The following ARB2A variants were observed in gnomAD, a reference collection of about 807,000 sequenced individuals.
ARB2A encodes cotranscriptional regulator ARB2A.
the ARB2A span, among the ~76,000 whole-genome samples, chr5:93,641,652 A>G: frequency 2.0e-5 from 3 of 152,242 alleles, no homozygotes; most frequent in Admixed American, 1.3e-4. Context: ...AAACCACAAT[A>G]ATAAAGAATG....
chr5:93,661,469 T>C, the ARB2A span, among the ~76,000 whole-genome samples: 1 of 152,162 alleles, frequency 6.6e-6, no homozygotes, highest in Non-Finnish European at 1.5e-5. Context: ...TTGTTTCACA[T>C]TACCCTACAC....
At chr5:94,007,306 G>A in the ARB2A span, among the ~76,000 whole-genome samples, 1 of 152,084 alleles carries the variant, frequency 6.6e-6, no homozygotes, top group Non-Finnish European at 1.5e-5. Context: ...AAGAGGGAAA[G>A]AAAAGCAATA....
At chr5:93,667,299 T>C in the ARB2A span, among the ~76,000 whole-genome samples, 1 of 152,144 alleles carries the variant, frequency 6.6e-6, no homozygotes, top group Non-Finnish European at 1.5e-5. Flanking sequence ...GTTTAGTAGT[T>C]GTAGAAGTCA....
chr5:93,744,526 T>C, the ARB2A span, among the ~76,000 whole-genome samples: 26 of 151,592 alleles, frequency 1.7e-4, no homozygotes, highest in South Asian at 5.2e-3. Context: ...CACTTAAGGC[T>C]TTCTTTGTAC....
At chr5:93,842,571 GACA>G in the ARB2A span, among the ~76,000 whole-genome samples, 19 of 152,178 alleles carry the variant, frequency 1.2e-4, no homozygotes, top group South Asian at 2.1e-3. Context: ...GGAAAAAAAT[GACA>G]ACATTTTGGA....
chr5:93,678,222 C>T, the ARB2A span, among the ~76,000 whole-genome samples: 2 of 152,128 alleles, frequency 1.3e-5, no homozygotes, highest in African/African-American at 4.8e-5. Context: ...CTATAGAAAT[C>T]GCATTTTAGT....
the ARB2A span, among the ~76,000 whole-genome samples, chr5:94,104,486 T>C: frequency 6.6e-6 from 1 of 151,792 alleles, no homozygotes. Flanking sequence ...AACAGACCAA[T>C]AGTGAATTTC....
the ARB2A span, among the ~76,000 whole-genome samples, chr5:93,692,597 T>C: frequency 2.6e-5 from 4 of 152,280 alleles, no homozygotes; most frequent in East Asian, 5.8e-4. Context: ...ACAATAATAC[T>C]GGGAGACTTT....
the ARB2A span, among the ~76,000 whole-genome samples, chr5:93,826,856 T>C: frequency 5.3e-5 from 8 of 151,186 alleles, no homozygotes; most frequent in African/African-American, 1.7e-4. Context: ...TTTGGTTTTT[T>C]GTCCTTGTGA....
At chr5:93,949,711 C>G in the ARB2A span, among the ~76,000 whole-genome samples, 1 of 152,046 alleles carries the variant, frequency 6.6e-6, no homozygotes, top group Admixed American at 6.5e-5. Context: ...TGCAATCACT[C>G]TACTGTGCTC....
chr5:93,804,376 GT>G, the ARB2A span, among the ~76,000 whole-genome samples: 1 of 152,010 alleles, frequency 6.6e-6, no homozygotes, highest in East Asian at 1.9e-4. Context: ...TTCACTAAGA[GT>G]TTCCATATAC....
At chr5:93,791,082 T>C in the ARB2A span, among the ~76,000 whole-genome samples, 1 of 152,210 alleles carries the variant, frequency 6.6e-6, no homozygotes, top group South Asian at 2.1e-4. Flanking sequence ...TTCATACTGA[T>C]AGGATACCAG....
the ARB2A span, among the ~76,000 whole-genome samples, chr5:94,047,492 CAAAAAAAA>C: frequency 1.2e-5 from 1 of 81,144 alleles, no homozygotes; most frequent in Non-Finnish European, 2.5e-5. Flanking sequence ...GACTCCATCT[CAAAAAAAA>C]AAAAAAAAAA....
At chr5:94,109,518 A>G in the ARB2A span, among the ~76,000 whole-genome samples, 3 of 152,208 alleles carry the variant, frequency 2.0e-5, no homozygotes, top group African/African-American at 4.8e-5. Context: ...ACATCTCTAC[A>G]TATCTACAGA....
chr5:93,711,852 A>C, the ARB2A span, among the ~76,000 whole-genome samples: 1 of 152,232 alleles, frequency 6.6e-6, no homozygotes, highest in Non-Finnish European at 1.5e-5. Context: ...TCCTCAAGTA[A>C]AGCAAATTCA....
At chr5:94,038,336 T>C in the ARB2A span, among the ~76,000 whole-genome samples, 2 of 152,034 alleles carry the variant, frequency 1.3e-5, no homozygotes, top group East Asian at 1.9e-4. Context: ...ATATATTATA[T>C]ATACACTAAA....
At chr5:93,702,845 G>C in the ARB2A span, among the ~76,000 whole-genome samples, 1 of 152,180 alleles carries the variant, frequency 6.6e-6, no homozygotes, top group African/African-American at 2.4e-5. Flanking sequence ...AAGTTTAAGA[G>C]TTTCATTATT....
At chr5:93,949,932 A>G in the ARB2A span, among the ~76,000 whole-genome samples, 2 of 152,152 alleles carry the variant, frequency 1.3e-5, no homozygotes, top group African/African-American at 4.8e-5. Flanking sequence ...ATAAATTTGA[A>G]TTTGTTCTCA....
the ARB2A span, among the ~76,000 whole-genome samples, chr5:93,783,802 AG>A: frequency 4.6e-5 from 7 of 152,192 alleles, no homozygotes; most frequent in Non-Finnish European, 1.0e-4. Context: ...GTTAGTTTTC[AG>A]GTTCACCAGC....
Sources: allele counts gnomAD v4.1 joint callset (sites outside exome capture counted in the v4.1 genomes callset), GRCh38; gene constraint gnomAD v4.1.1; transcripts MANE v1.5; gene names NCBI Gene and HGNC (gene_info 2026-07-23, HGNC 2026-07-21).